The following LRMDA variants were observed in gnomAD, a reference collection of about 807,000 sequenced individuals.
LRMDA encodes leucine-rich melanocyte differentiation-associated protein.
LRMDA carries 18 observed loss-of-function variants against 29.8 expected under a neutral mutation model. That is an observed-to-expected ratio of 0.60 (90% CI 0.42 to 0.90). The LOEUF is 0.90. LRMDA is among the 40% of genes least tolerant of loss of function. The pLI is 0.00. For missense variants in LRMDA, 273 were observed against 273.9 expected, an observed-to-expected ratio of 1.00 and a Z score of 0.02; for synonymous variants, 125 against 109.4, an observed-to-expected ratio of 1.14 and a Z score of -0.89.
intron 5 of LRMDA, among the ~76,000 whole-genome samples, chr10:76,272,407 T>C (rs1364346387): frequency 1.3e-5 from 2 of 152,198 alleles, no homozygotes; most frequent in African/African-American, 2.4e-5. Context: ...GAATCCATGG[T>C]CTGTGAGGAG....
intron 5 of LRMDA, among the ~76,000 whole-genome samples, chr10:76,105,081 T>C (rs1396790677): frequency 6.6e-6 from 1 of 152,190 alleles, no homozygotes; most frequent in Non-Finnish European, 1.5e-5. Context: ...TATTTAATAA[T>C]GGAAACTGCC....
intron 2 of LRMDA, among the ~76,000 whole-genome samples, chr10:75,715,540 A>G (rs973249477): frequency 3.3e-5 from 5 of 152,282 alleles, no homozygotes; most frequent in African/African-American, 1.2e-4. Context: ...ACATATCAAT[A>G]TGTATTTTGA....
intron 2 of LRMDA, among the ~76,000 whole-genome samples, chr10:75,917,126 A>C (rs1331214260): frequency 1.3e-5 from 2 of 152,196 alleles, no homozygotes; most frequent in Non-Finnish European, 2.9e-5. Context: ...GCCAAGAAGG[A>C]GGAGCAGCTT....
In LRMDA at chr10:75,782,557, G is replaced by A. The variant is rs567906751; in HGVS notation, c.132-253451G>A. On this transcript the variant is annotated intron_variant, in intron 2 of 6. Coordinates refer to ENST00000611255, the MANE Select transcript of LRMDA (RefSeq NM_001305581.2). Reference sequence around the variant, plus strand: ...CATCCTGTGAAGCGGAAAGGAGGCCGGTACTTTCAGCCTGAGGTCGGCCAG... The same window carrying A: ...CATCCTGTGAAGCGGAAAGGAGGCCAGTACTTTCAGCCTGAGGTCGGCCAG... Among the ~76,000 whole-genome samples, 8 of 152,230 alleles carry A rather than the reference G, an allele frequency of 5.3e-5. No individual in the cohort carries two copies. In the South Asian group the frequency reaches 1.7e-3, roughly 32 times the overall value.
chr10:75,844,672 G>T (rs1025219757), intron 2 of LRMDA, among the ~76,000 whole-genome samples: 2 of 152,172 alleles, frequency 1.3e-5, no homozygotes, highest in African/African-American at 4.8e-5. Flanking sequence ...AGACCCCTTA[G>T]GTCGCACTAC....
At chr10:75,605,277 G>C (rs1360801977) in intron 2 of LRMDA, among the ~76,000 whole-genome samples, 1 of 152,168 alleles carries the variant, frequency 6.6e-6, no homozygotes, top group Non-Finnish European at 1.5e-5. Flanking sequence ...CCCTGACGCT[G>C]GTTGGATTTT....
At position 75,467,015 on chromosome 10, in the gene LRMDA, G is replaced by C. The variant is rs10219009; in HGVS notation, c.131+28521G>C. ...AATGCTTGTTGTGTGTGATGTGGGG[G>C]CTTAGGCATTAGAGATGCAAAGATG... On this transcript the variant is annotated intron_variant, in intron 2 of 6. Coordinates refer to ENST00000611255, the MANE Select transcript of LRMDA (RefSeq NM_001305581.2). Among the ~76,000 whole-genome samples the C allele has an allele frequency of 2.1e-3, 321 of 152,210 alleles. 3 individuals are homozygous for C. The highest frequency in any genetic ancestry group is 0.01 in the Middle Eastern group (3 of 294).
At chr10:75,532,191 T>C (rs141254839) in intron 2 of LRMDA, among the ~76,000 whole-genome samples, 211 of 152,296 alleles carry the variant, frequency 1.4e-3, no homozygotes, top group Non-Finnish European at 2.3e-3. Flanking sequence ...TCTTCATTAT[T>C]TTCCTAACAT....
chr10:75,994,719 A>G (rs1173954478), intron 2 of LRMDA, among the ~76,000 whole-genome samples: 2 of 152,232 alleles, frequency 1.3e-5, no homozygotes, highest in Non-Finnish European at 2.9e-5. Context: ...CGTGTTTTTT[A>G]TATAACATTT....
chr10:75,703,036 G>A (rs1842327011), intron 2 of LRMDA, among the ~76,000 whole-genome samples: 1 of 152,120 alleles, frequency 6.6e-6, no homozygotes, highest in African/African-American at 2.4e-5. Context: ...CCCTAGTGAG[G>A]GAATAAACAC....
chr10:75,469,720 C>T (rs1414168396), intron 2 of LRMDA, among the ~76,000 whole-genome samples: 2 of 152,178 alleles, frequency 1.3e-5, no homozygotes, highest in African/African-American at 4.8e-5. Flanking sequence ...CAATGCTAGA[C>T]TTTTGCAGAG....
In LRMDA at chr10:75,431,694, C is replaced by T. The variant is rs1173580797; in HGVS notation, c.-31C>T. On this transcript the variant is annotated 5_prime_UTR_variant, in exon 1 of 7. Coordinates refer to ENST00000611255, the MANE Select transcript of LRMDA (RefSeq NM_001305581.2). ...CTGCTGCCGCCGCGCCCCCGCGCTC[C>T]GTCCCGCGCGCCCGCAGCGTCCTGG... is the stretch of plus-strand genomic sequence containing the variant. 4.6e-6 allele frequency: 6 copies of T among 1,291,476 alleles called. No homozygotes were observed. Among genetic ancestry groups the T allele is most frequent in the East Asian group, 6.2e-5 (2 of 32,064 alleles). 80.0% of individuals were successfully genotyped at this position (1,291,476 alleles called of 1,614,324 possible). A position where few individuals can be genotyped will look rare whatever the true frequency, so the allele number is the denominator to read the frequency against.
At chr10:76,191,595 C>T (rs966631552) in intron 5 of LRMDA, among the ~76,000 whole-genome samples, 1 of 152,120 alleles carries the variant, frequency 6.6e-6, no homozygotes, top group Non-Finnish European at 1.5e-5. Flanking sequence ...GGATAGAAGG[C>T]AGGTGTTTGC....
At chr10:75,498,281 T>C (rs578003480) in intron 2 of LRMDA, among the ~76,000 whole-genome samples, 8 of 152,280 alleles carry the variant, frequency 5.3e-5, no homozygotes, top group South Asian at 2.1e-4. Flanking sequence ...AGCTTTTTTT[T>C]CCCCCTTTTA....
rs552982643 is a variant in LRMDA at position 76,017,280 on chromosome 10, G to A, written c.132-18728G>A. 3.3e-5 allele frequency among the ~76,000 whole-genome samples: 5 copies of A among 152,332 alleles called. No homozygotes were observed. In the South Asian group the frequency reaches 6.2e-4, roughly 19 times the overall value. The stretch of plus-strand genomic sequence containing the variant: ...AGGCTGGAGTTAGGCTGGGGCAGAC[G>A]CCATGTGAAGGCTGGAGGTAGGCTG... On this transcript the variant is annotated intron_variant, in intron 2 of 6. Transcript: ENST00000611255.
chr10:75,548,776 T>C (rs1462024545), intron 2 of LRMDA, among the ~76,000 whole-genome samples: 1 of 152,160 alleles, frequency 6.6e-6, no homozygotes, highest in Admixed American at 6.5e-5. Context: ...GAAATATACA[T>C]ACTCGGGTTG....
intron 2 of LRMDA, among the ~76,000 whole-genome samples, chr10:75,545,580 A>AT (rs1487444143): frequency 6.6e-6 from 1 of 152,162 alleles, no homozygotes; most frequent in Non-Finnish European, 1.5e-5. Flanking sequence ...CTATGTAGAA[A>AT]TTGGTTGCCG....
intron 2 of LRMDA, among the ~76,000 whole-genome samples, chr10:75,834,203 G>A (rs1182480116): frequency 6.6e-6 from 1 of 152,170 alleles, no homozygotes; most frequent in African/African-American, 2.4e-5. Context: ...TCCAATGTAT[G>A]TCATGGGGAT....
In LRMDA at chr10:75,995,122, A is replaced by C. The variant is rs185314054; in HGVS notation, c.132-40886A>C. On this transcript the variant is annotated intron_variant, in intron 2 of 6. Transcript: ENST00000611255. Reference sequence around the variant, plus strand: ...CCCATTCTCCAGATAGATGGGAATAAAAATGAGACATATCTGCTGAGCTTC... The same window carrying C: ...CCCATTCTCCAGATAGATGGGAATACAAATGAGACATATCTGCTGAGCTTC... 5.1e-3 allele frequency among the ~76,000 whole-genome samples: 770 copies of C among 152,342 alleles called. 3 individuals are homozygous for C. The highest frequency in any genetic ancestry group is 8.7e-3 in the Non-Finnish European group (592 of 68,020).
Sources: gnomAD v4.1 joint callset for allele counts (sites outside exome capture counted in the v4.1 genomes callset) on GRCh38, gnomAD v4.1.1 for gene constraint, MANE v1.5 for transcripts, NCBI Gene and HGNC (gene_info 2026-07-23, HGNC 2026-07-21) for gene names.